MOV10L1: variants seen among roughly 807,000 people sequenced by gnomAD.
MOV10L1 encodes RNA helicase Mov10l1.
A neutral mutation model predicts 143.8 loss-of-function variants in MOV10L1; 110 were observed. The observed-to-expected ratio is 0.76, with a 90% CI of 0.66 to 0.90. The LOEUF (loss-of-function observed/expected upper bound fraction) is 0.90. Among genes scored for constraint, MOV10L1 ranks in the 40% least tolerant of loss-of-function variants. The pLI is 0.00. For synonymous variants in MOV10L1, 593 were observed against 581.1 expected (o/e 1.02, Z -0.29); for missense variants, 1,406 against 1,526.8 (o/e 0.92, Z 1.32).
chr22:50,121,352 C>G (rs949837424), intron 10 of MOV10L1, among the ~76,000 whole-genome samples: 4 of 152,178 alleles, frequency 2.6e-5, no homozygotes, highest in African/African-American at 9.7e-5. Context: ...ACAGCTGATG[C>G]CCCATGACCG....
rs868591396 is a variant in MOV10L1 at position 50,142,955 on chromosome 22, G to T, written c.2180-88G>T. Reference sequence around the variant, plus strand: ...ACTCTGATTTAGCCTTTGCACAGACGTGCTGACGCCTGACCTAGGTGAGGA... The same window carrying T: ...ACTCTGATTTAGCCTTTGCACAGACTTGCTGACGCCTGACCTAGGTGAGGA... On this transcript the variant is annotated intron_variant, in intron 16 of 26. Transcript: ENST00000262794. 34 of 1,280,194 alleles carry T rather than the reference G, an allele frequency of 2.7e-5. 1 individual carries two copies. The South Asian group carries it at 4.4e-4, about 17-fold the overall frequency. 79.3% of individuals were successfully genotyped at this position (1,280,194 alleles called of 1,614,324 possible).
At chr22:50,107,429 G>A (rs1037985302) in intron 3 of MOV10L1, among the ~76,000 whole-genome samples, 1 of 152,004 alleles carries the variant, frequency 6.6e-6, no homozygotes, top group African/African-American at 2.4e-5. Context: ...GCTGCTATTT[G>A]TGCTGTTACG....
intron 7 of MOV10L1, 141 bp downstream of exon 7, chr22:50,114,763 A>T: frequency 7.8e-7 from 1 of 1,290,166 alleles, no homozygotes; most frequent in Admixed American, 2.5e-5. Flanking sequence ...CTTCGGCTTC[A>T]GGCCCTTCTC....
At chr22:50,098,737 C>T (rs537739223) in intron 2 of MOV10L1, among the ~76,000 whole-genome samples, 9 of 152,294 alleles carry the variant, frequency 5.9e-5, no homozygotes, top group African/African-American at 2.2e-4. Flanking sequence ...CATGGGCATC[C>T]TTGCCTGGTT....
intron 5 of MOV10L1, among the ~76,000 whole-genome samples, chr22:50,112,458 G>A (rs1290066193): frequency 3.9e-5 from 6 of 152,218 alleles, no homozygotes; most frequent in Non-Finnish European, 4.4e-5. Flanking sequence ...GGCCTGAAGC[G>A]TGGCCTGGGG....
At chr22:50,099,359 G>T in intron 2 of MOV10L1, 84 bp from the exon 3 acceptor site, 1 of 1,495,592 alleles carries the variant, frequency 6.7e-7, no homozygotes, top group Non-Finnish European at 9.1e-7. Context: ...CAGCCCTAAT[G>T]GTCTCAGACA....
chr22:50,104,126 T>C (rs948561736), intron 3 of MOV10L1, among the ~76,000 whole-genome samples: 1 of 152,098 alleles, frequency 6.6e-6, no homozygotes, highest in African/African-American at 2.4e-5. Flanking sequence ...CGGTTCACAA[T>C]AGGGTTCCAG....
chr22:50,108,065 T>G, intron 3 of MOV10L1, 71 bp from the exon 4 acceptor site: 2 of 1,338,858 alleles, frequency 1.5e-6, no homozygotes, highest in Non-Finnish European at 2.1e-6. Context: ...AGAAATGATT[T>G]CAGTGCACCA....
chr22:50,106,232 A>C (rs2061861554), intron 3 of MOV10L1, among the ~76,000 whole-genome samples: 1 of 151,482 alleles, frequency 6.6e-6, no homozygotes, highest in South Asian at 2.1e-4. Context: ...ATTGTAGCTC[A>C]CTGCAGCCTG....
chr22:50,151,073 T>G (rs2063288191), intron 21 of MOV10L1, among the ~76,000 whole-genome samples, 174 bp downstream of exon 21: 1 of 152,260 alleles, frequency 6.6e-6, no homozygotes, highest in Non-Finnish European at 1.5e-5. Context: ...CTGGTGCTGA[T>G]GGCTGAGACT....
Position 50,117,337 on chromosome 22 carries a change from G to T in MOV10L1, c.1440G>T (p.Val480=). The change falls in exon 9 of 27, where the codon GTG becomes GTT. Residue 480 remains valine (V), a synonymous_variant. Coordinates refer to ENST00000262794, the MANE Select transcript of MOV10L1 (RefSeq NM_018995.3). ...ALTSAKTTVV[V]TAQKRNSRRQ... ...CATCCGCAAAAACTACAGTTGTTGTGACCGCACAGAAAAGGTACCATAACT... is the reference window on the plus strand; with the variant it reads ...CATCCGCAAAAACTACAGTTGTTGTTACCGCACAGAAAAGGTACCATAACT... 1 of 1,613,648 alleles carries T rather than the reference G, an allele frequency of 6.2e-7. No homozygotes were observed. Among genetic ancestry groups the T allele is most frequent in the South Asian group, 1.1e-5 (1 of 90,900 alleles).
intron 15 of MOV10L1, among the ~76,000 whole-genome samples, chr22:50,141,495 A>ATTTTTTTT (rs56881561): frequency 5.8e-5 from 8 of 138,176 alleles, no homozygotes; most frequent in African/African-American, 1.3e-4. Flanking sequence ...TGCCCGGCTA[A>ATTTTTTTT]TTTTTTTTTT....
At chr22:50,107,711 C>G (rs978359257) in intron 3 of MOV10L1, among the ~76,000 whole-genome samples, 1 of 152,192 alleles carries the variant, frequency 6.6e-6, no homozygotes, top group Non-Finnish European at 1.5e-5. Context: ...CTCTGGCACA[C>G]TGAGGGGCTG....
At chr22:50,100,046 C>T (rs1387828337) in intron 3 of MOV10L1, among the ~76,000 whole-genome samples, 1 of 151,914 alleles carries the variant, frequency 6.6e-6, no homozygotes, top group South Asian at 2.1e-4. Context: ...GGCTGGAGTG[C>T]AGTGGTATGA....
chr22:50,157,483 C>T (rs1023598794), intron 22 of MOV10L1, among the ~76,000 whole-genome samples: 4 of 152,098 alleles, frequency 2.6e-5, no homozygotes, highest in Admixed American at 6.6e-5. Flanking sequence ...TTTAAATCTT[C>T]GATCCACCTT....
At chr22:50,144,339 G>A (rs991191533) in intron 18 of MOV10L1, 96 bp downstream of exon 18, 13 of 1,403,032 alleles carry the variant, frequency 9.3e-6, no homozygotes, top group Admixed American at 7.7e-5. Flanking sequence ...TAGGAGGGTG[G>A]GCACAGAGGC....
At chr22:50,119,608 C>T (rs1370743324) in intron 9 of MOV10L1, among the ~76,000 whole-genome samples, 1 of 151,502 alleles carries the variant, frequency 6.6e-6, no homozygotes, top group Non-Finnish European at 1.5e-5. Context: ...CTGTAGTGAT[C>T]ATCCTGGTTT....
chr22:50,146,127 C>G (rs535309134), intron 19 of MOV10L1, among the ~76,000 whole-genome samples: 1 of 147,840 alleles, frequency 6.8e-6, no homozygotes, highest in Non-Finnish European at 1.5e-5. Context: ...CAGGAACGGC[C>G]TGAAAGGGGT....
rs1028512854 is a variant in MOV10L1 at position 50,160,099 on chromosome 22, C to G, written c.3324+314C>G. On this transcript the variant is annotated intron_variant, in intron 24 of 26. Transcript: ENST00000262794. ...AGCAGAGAGTGGGAGGGCAGGTACCCGCAGGAGAGCCCCTAAGACCCCGCC... is the reference window on the plus strand; with the variant it reads ...AGCAGAGAGTGGGAGGGCAGGTACCGGCAGGAGAGCCCCTAAGACCCCGCC... 2.3e-4 allele frequency among the ~76,000 whole-genome samples: 35 copies of G among 152,150 alleles called. 1 individual carries two copies. Among genetic ancestry groups the G allele is most frequent in the Admixed American group, 5.2e-4 (8 of 15,268 alleles).
Sources: gnomAD v4.1 joint callset for allele counts (sites outside exome capture counted in the v4.1 genomes callset) on GRCh38, gnomAD v4.1.1 for gene constraint, MANE v1.5 for transcripts, NCBI Gene and HGNC (gene_info 2026-07-23, HGNC 2026-07-21) for gene names.